Variants in RALYL observed in about 807,000 individuals in gnomAD.
The protein encoded by RALYL is RNA-binding Raly-like protein.
In RALYL, 29 loss-of-function variants were observed where a neutral mutation model predicts 35.1. The observed-to-expected ratio is 0.83, with a 90% CI of 0.61 to 1.13. The LOEUF (loss-of-function observed/expected upper bound fraction) is 1.13. Ranked by LOEUF, RALYL falls within the 50% of genes most tolerant of loss-of-function variation. RALYL has a pLI of 0.00. For missense variants in RALYL, 359 were observed against 360.4 expected (o/e 1.00, Z 0.03); for synonymous variants, 120 against 127.6 (o/e 0.94, Z 0.40).
At chr8:84,820,531 T>C (rs1341889229) in intron 4 of RALYL, among the ~76,000 whole-genome samples, 2 of 152,128 alleles carry the variant, frequency 1.3e-5, no homozygotes, top group Non-Finnish European at 2.9e-5. Context: ...TTTAGTTTTG[T>C]TTTGTCTTGT....
In RALYL at chr8:84,426,473, T is replaced by TGGGGGGG. The variant is rs1554662559; in HGVS notation, c.-23-102823_-23-102822insGGGGGGG. Among the ~76,000 whole-genome samples the TGGGGGGG allele has an allele frequency of 5.4e-5, 8 of 149,146 alleles. No homozygotes were observed. In the South Asian group the frequency reaches 6.8e-4, roughly 13 times the overall value. On this transcript the variant is annotated intron_variant, in intron 1 of 8. Coordinates refer to ENST00000521268, the MANE Select transcript of RALYL (RefSeq NM_173848.7). Reference sequence around the variant, plus strand: ...GTGTGTGTGTGTGTGTGTGTGTGTGTGGGTTTAGATTTCACATATAAGTGA... The same window carrying TGGGGGGG: ...GTGTGTGTGTGTGTGTGTGTGTGTGTGGGGGGGGGGTTTAGATTTCACATATAAGTGA...
intron 2 of RALYL, among the ~76,000 whole-genome samples, chr8:84,636,223 A>T (rs1490915968): frequency 6.6e-6 from 1 of 151,760 alleles, no homozygotes; most frequent in East Asian, 1.9e-4. Flanking sequence ...TAGAGCCATT[A>T]TTCTTATATT....
intron 4 of RALYL, among the ~76,000 whole-genome samples, chr8:84,842,020 G>T (rs1181566822): frequency 6.6e-6 from 1 of 152,140 alleles, no homozygotes; most frequent in African/African-American, 2.4e-5. Flanking sequence ...AAGCAGGAAA[G>T]ATCTAAAATT....
chr8:84,765,875 T>C (rs1465772707), intron 2 of RALYL, among the ~76,000 whole-genome samples: 2 of 151,966 alleles, frequency 1.3e-5, no homozygotes, highest in African/African-American at 4.8e-5. Flanking sequence ...ATTTGTCTTT[T>C]AACCAATTAT....
intron 2 of RALYL, among the ~76,000 whole-genome samples, chr8:84,694,575 G>A (rs138191328): frequency 7.1e-4 from 108 of 151,838 alleles, no homozygotes; most frequent in African/African-American, 2.6e-3. Flanking sequence ...TAATTCCAAT[G>A]ACATTCTCCA....
chr8:84,585,081 C>A (rs773175879), intron 2 of RALYL, among the ~76,000 whole-genome samples: 2 of 152,152 alleles, frequency 1.3e-5, no homozygotes, highest in Admixed American at 6.5e-5. Flanking sequence ...TTTAGGTCAA[C>A]CTTCTCCCAG....
intron 7 of RALYL, among the ~76,000 whole-genome samples, chr8:84,876,781 C>G (rs1210409601): frequency 6.6e-6 from 1 of 152,120 alleles, no homozygotes; most frequent in Non-Finnish European, 1.5e-5. Flanking sequence ...GTTAGACTTA[C>G]GTCTTAGAGA....
chr8:84,374,346 T>C (rs1254446061), intron 1 of RALYL, among the ~76,000 whole-genome samples: 2 of 151,984 alleles, frequency 1.3e-5, no homozygotes, highest in African/African-American at 4.8e-5. Flanking sequence ...TGTGAGTTTG[T>C]CATAGGTACC....
chr8:84,694,027 A>G (rs888426789), intron 2 of RALYL, among the ~76,000 whole-genome samples: 2 of 151,894 alleles, frequency 1.3e-5, no homozygotes, highest in African/African-American at 4.8e-5. Flanking sequence ...CAATGGTGGA[A>G]AGTTGAAAGT....
At chr8:84,584,993 G>T (rs1309879905) in intron 2 of RALYL, among the ~76,000 whole-genome samples, 1 of 152,134 alleles carries the variant, frequency 6.6e-6, no homozygotes, top group African/African-American at 2.4e-5. Context: ...TCAATATCTA[G>T]GGTAATGCAA....
chr8:84,552,203 G>C (rs1051072752), intron 2 of RALYL, among the ~76,000 whole-genome samples: 8 of 150,532 alleles, frequency 5.3e-5, no homozygotes, highest in African/African-American at 1.7e-4. Context: ...AAGTTGTGCA[G>C]AACTGGGAGA....
intron 1 of RALYL, among the ~76,000 whole-genome samples, chr8:84,246,614 G>A (rs572295844): frequency 6.2e-4 from 94 of 152,232 alleles, no homozygotes; most frequent in Admixed American, 1.2e-3. Flanking sequence ...GGAAAAAAGC[G>A]CCTGTGGATA....
chr8:84,372,917 C>CTTTTTTTTTTTTTTTTTTTTTTT (rs1856174202), intron 1 of RALYL, among the ~76,000 whole-genome samples: 158 of 49,040 alleles, frequency 3.2e-3, no homozygotes, highest in African/African-American at 5.5e-3. Context: ...TTTTTTTTTA[C>CTTTTTTTTTTTTTTTTTTTTTTT]TTTTTAATAA....
At chr8:84,635,695 A>C (rs1460313437) in intron 2 of RALYL, among the ~76,000 whole-genome samples, 2 of 151,770 alleles carry the variant, frequency 1.3e-5, no homozygotes, top group African/African-American at 2.4e-5. Context: ...TAGATCCAGG[A>C]GATATAATAA....
chr8:84,575,224 G>A (rs1050208211), intron 2 of RALYL, among the ~76,000 whole-genome samples: 2 of 152,056 alleles, frequency 1.3e-5, no homozygotes, highest in African/African-American at 4.8e-5. Flanking sequence ...ACCTAAACAT[G>A]TGTGCCAATT....
chr8:84,581,497 G>A (rs561465851), intron 2 of RALYL, among the ~76,000 whole-genome samples: 2 of 152,232 alleles, frequency 1.3e-5, no homozygotes, highest in East Asian at 1.9e-4. Flanking sequence ...TGAGGACTAC[G>A]TTAACTGATA....
chr8:84,717,998 T>G (rs1252364562), intron 2 of RALYL, among the ~76,000 whole-genome samples: 2 of 152,192 alleles, frequency 1.3e-5, no homozygotes, highest in African/African-American at 4.8e-5. Context: ...TAGTCATTAT[T>G]GAGTTTTTTA....
At chr8:84,272,238 G>A (rs1212267461) in intron 1 of RALYL, among the ~76,000 whole-genome samples, 11 of 151,902 alleles carry the variant, frequency 7.2e-5, no homozygotes, top group East Asian at 3.9e-4. Flanking sequence ...GAAAACAGGC[G>A]CCCACCACTA....
intron 3 of RALYL, among the ~76,000 whole-genome samples, chr8:84,785,062 G>A (rs1204648938): frequency 6.6e-6 from 1 of 152,124 alleles, no homozygotes; most frequent in East Asian, 1.9e-4. Context: ...TTTGAAATAA[G>A]CGTATTACAT....
Sources: gnomAD v4.1 joint callset for allele counts (sites outside exome capture counted in the v4.1 genomes callset) on GRCh38, gnomAD v4.1.1 for gene constraint, MANE v1.5 for transcripts, NCBI Gene and HGNC (gene_info 2026-07-23, HGNC 2026-07-21) for gene names.